The following INPP5A variants were observed in gnomAD, a reference collection of about 807,000 sequenced individuals.
The protein encoded by INPP5A is 43 kDa inositol polyphosphate 5-phophatase.
INPP5A carries 14 observed loss-of-function variants against 65.2 expected under a neutral mutation model. The ratio of observed to expected loss-of-function variants is 0.21; its 90% CI spans 0.14 to 0.34. The LOEUF (loss-of-function observed/expected upper bound fraction) is 0.34, where lower values mean the gene tolerates loss of function less well. Among genes scored for constraint, INPP5A ranks in the 10% least tolerant of loss-of-function variants. The pLI is 1.00. For synonymous variants in INPP5A, 207 were observed against 208.3 expected (o/e 0.99, Z 0.05); for missense variants, 431 against 545.6 (o/e 0.79, Z 2.09).
At chr10:132,557,413 G>A (rs1371792321) in intron 1 of INPP5A, among the ~76,000 whole-genome samples, 1 of 152,278 alleles carries the variant, frequency 6.6e-6, no homozygotes, top group African/African-American at 2.4e-5. Context: ...TGCTGCAGAG[G>A]AGCCCCCATG....
chr10:132,560,016 C>A (rs1251749709), intron 1 of INPP5A, among the ~76,000 whole-genome samples: 2 of 151,952 alleles, frequency 1.3e-5, no homozygotes, highest in East Asian at 3.9e-4. Flanking sequence ...TGGGTGTAGA[C>A]CTGCTTGTGG....
chr10:132,570,858 G>A (rs1289327693), intron 1 of INPP5A, among the ~76,000 whole-genome samples: 2 of 152,192 alleles, frequency 1.3e-5, no homozygotes, highest in Non-Finnish European at 2.9e-5. Context: ...TTCGTGCTGC[G>A]ATGTGGATAG....
In INPP5A at chr10:132,735,662, C is replaced by T. The variant is rs1227043353; in HGVS notation, c.732+8757C>T. On this transcript the variant is annotated intron_variant, in intron 9 of 15. Transcript: ENST00000368594. ...ACCGCGTTCCTCTGCCTGCTCACAG[C>T]GCCTCCTTGGTGCCCTCAGTGGCAG... Among the ~76,000 whole-genome samples the T allele has an allele frequency of 5.9e-5, 9 of 152,226 alleles. No homozygotes were observed. In the East Asian group the frequency reaches 7.7e-4, roughly 13 times the overall value.
intron 4 of INPP5A, among the ~76,000 whole-genome samples, chr10:132,685,161 T>C (rs189792264): frequency 7.6e-4 from 116 of 152,382 alleles, no homozygotes; most frequent in African/African-American, 2.6e-3. Context: ...CCACTCTTTT[T>C]TCTGAGTCAC....
rs564171740 is a variant in INPP5A, at chr10:132,755,421, T to C, written c.903+5576T>C. ...GAGCGAGTGTGTGTGAGCAGGCATA[T>C]GCATATGAGTGGGTGTGTGCATGAG... On this transcript the variant is annotated intron_variant, in intron 11 of 15. Coordinates refer to ENST00000368594, the MANE Select transcript of INPP5A (RefSeq NM_005539.5). 5.4e-5 allele frequency among the ~76,000 whole-genome samples: 8 copies of C among 148,930 alleles called. No homozygotes were observed. The South Asian group carries it at 1.5e-3, about 28-fold the overall frequency.
At chr10:132,548,623 G>A (rs1054146388) in intron 1 of INPP5A, among the ~76,000 whole-genome samples, 15 of 152,074 alleles carry the variant, frequency 9.9e-5, no homozygotes, top group Non-Finnish European at 1.3e-4. Flanking sequence ...CCCTGCTCCC[G>A]GCCCTGGGCC....
intron 2 of INPP5A, among the ~76,000 whole-genome samples, chr10:132,615,346 A>G (rs2072016834): frequency 6.6e-6 from 1 of 152,240 alleles, no homozygotes; most frequent in Admixed American, 6.5e-5. Context: ...CCTTTAAAAA[A>G]TGTGCACCCT....
chr10:132,632,563 G>C (rs909575045), intron 2 of INPP5A, among the ~76,000 whole-genome samples: 1 of 152,172 alleles, frequency 6.6e-6, no homozygotes, highest in African/African-American at 2.4e-5. Context: ...GCAGGAGCCC[G>C]TGCCCGGTGT....
chr10:132,771,351 A>AC (rs1432509826), intron 12 of INPP5A, among the ~76,000 whole-genome samples: 14 of 152,118 alleles, frequency 9.2e-5, no homozygotes, highest in Admixed American at 6.5e-5. Context: ...TGAGGGATTG[A>AC]CCCTGGGAGA....
At chr10:132,656,352 G>A (rs1393263975) in intron 4 of INPP5A, among the ~76,000 whole-genome samples, 3 of 152,230 alleles carry the variant, frequency 2.0e-5, no homozygotes, top group Non-Finnish European at 2.9e-5. Context: ...TGGAGCAGAA[G>A]GGTTTATCTG....
At chr10:132,653,579 C>T (rs1564950577) in intron 4 of INPP5A, among the ~76,000 whole-genome samples, 1 of 152,134 alleles carries the variant, frequency 6.6e-6, no homozygotes, top group Non-Finnish European at 1.5e-5. Context: ...AAGACCTTGC[C>T]CCTGCCTCTG....
chr10:132,641,251 A>G (rs1055667452), intron 2 of INPP5A, among the ~76,000 whole-genome samples: 2 of 152,234 alleles, frequency 1.3e-5, no homozygotes, highest in Non-Finnish European at 2.9e-5. Flanking sequence ...CCAGTTTTCC[A>G]AACAATGTCG....
chr10:132,654,326 G>C (rs1265034720), intron 4 of INPP5A, among the ~76,000 whole-genome samples: 1 of 152,262 alleles, frequency 6.6e-6, no homozygotes, highest in Non-Finnish European at 1.5e-5. Context: ...GATGGTGGAG[G>C]GCAGCCTTGC....
chr10:132,694,578 G>A (rs1232732554), intron 5 of INPP5A, among the ~76,000 whole-genome samples: 2 of 151,982 alleles, frequency 1.3e-5, no homozygotes, highest in Non-Finnish European at 2.9e-5. Flanking sequence ...ATTGAAAACA[G>A]GAAATGAATA....
chr10:132,749,385 C>G, intron 9 of INPP5A, 132 bp from the exon 10 acceptor site: 1 of 766,896 alleles, frequency 1.3e-6, no homozygotes, highest in Non-Finnish European at 2.1e-6. Context: ...ACCCCAGGTG[C>G]GGAAATCTGG....
chr10:132,631,655 G>A (rs965833821), intron 2 of INPP5A, among the ~76,000 whole-genome samples: 1 of 152,184 alleles, frequency 6.6e-6, no homozygotes, highest in Non-Finnish European at 1.5e-5. Context: ...CGTGGCCTGG[G>A]CAGGCCTGTG....
In INPP5A at chr10:132,697,964, G is replaced by A. The variant is rs1470131986; in HGVS notation, c.474+45G>A. Reference sequence around the variant, plus strand: ...CACTGACGTGTTTACTTCTCAGAGTGAGCCAGTCAGAAGTGACATGGAACA... The same window carrying A: ...CACTGACGTGTTTACTTCTCAGAGTAAGCCAGTCAGAAGTGACATGGAACA... On this transcript the variant is annotated intron_variant, in intron 6 of 15. Coordinates refer to ENST00000368594, the MANE Select transcript of INPP5A (RefSeq NM_005539.5). This position sits in a 1 kb window ranked among gnomAD's most constrained non-coding sequence, Gnocchi z 5.6. 4 of 1,294,356 alleles carry A rather than the reference G, an allele frequency of 3.1e-6. No individual in the cohort carries two copies. The highest frequency in any genetic ancestry group is 4.5e-6 in the Non-Finnish European group (4 of 895,424). 80.2% of individuals were successfully genotyped at this position (1,294,356 alleles called of 1,614,324 possible).
chr10:132,714,493 G>T (rs1480783354), intron 8 of INPP5A, among the ~76,000 whole-genome samples: 5 of 152,180 alleles, frequency 3.3e-5, no homozygotes, highest in African/African-American at 1.2e-4. Context: ...TGTCTGCCCC[G>T]CAGGGAGACA....
intron 4 of INPP5A, among the ~76,000 whole-genome samples, chr10:132,665,077 C>G (rs1219066005): frequency 1.3e-5 from 2 of 152,228 alleles, no homozygotes; most frequent in Non-Finnish European, 2.9e-5. Flanking sequence ...AGGCCAAGCC[C>G]TGTTGTGCAT....
Sources: gnomAD v4.1 joint callset for allele counts (sites outside exome capture counted in the v4.1 genomes callset) on GRCh38, gnomAD v4.1.1 for gene constraint, Gnocchi (gnomAD v3.1) non-coding constraint, MANE v1.5 for transcripts, NCBI Gene and HGNC (gene_info 2026-07-23, HGNC 2026-07-21) for gene names.